PDZD2: variants seen among roughly 807,000 people sequenced by gnomAD.
PDZD2 encodes the protein PDZ domain-containing protein 2.
In PDZD2, 90 loss-of-function variants were observed where a neutral mutation model predicts 220.7. That is an observed-to-expected ratio of 0.41 (90% confidence interval 0.34 to 0.49). The LOEUF is 0.49. Ranked by LOEUF, PDZD2 falls within the 20% of genes least tolerant of loss-of-function variation. The pLI, the probability that PDZD2 is intolerant of heterozygous loss-of-function variation, is 0.28. For missense variants in PDZD2, 3,174 were observed against 3,608.5 expected, an observed-to-expected ratio of 0.88 and a Z score of 3.08; for synonymous variants, 1,375 against 1,450.5, an observed-to-expected ratio of 0.95 and a Z score of 1.18.
intron 2 of PDZD2, among the ~76,000 whole-genome samples, chr5:31,902,181 C>T (rs1257500203): frequency 6.6e-6 from 1 of 152,204 alleles, no homozygotes; most frequent in Non-Finnish European, 1.5e-5. Flanking sequence ...AACGTTACTG[C>T]ACAATTTTAC....
chr5:32,110,606 G>T lies in PDZD2; in HGVS notation c.*2471G>T, dbSNP rs1745298671. 6.6e-6 allele frequency: 1 copy of T among 152,312 alleles called. No individual in the cohort carries two copies. Among genetic ancestry groups the T allele is most frequent in the African/African-American group, 2.4e-5 (1 of 41,348 alleles). 9.4% of individuals were successfully genotyped at this position (152,312 alleles called of 1,614,324 possible). On this transcript the variant is annotated 3_prime_UTR_variant, in exon 25 of 25. Coordinates refer to ENST00000438447, the MANE Select transcript of PDZD2 (RefSeq NM_178140.4). The stretch of plus-strand genomic sequence containing the variant: ...CAGTCATTCACAATAAGCTATGAGG[G>T]TAAATAAATATGTGTTATAACAAGT...
Position 31,665,517 on chromosome 5 carries a change from A to G in PDZD2, c.-361+26080A>G, listed in dbSNP as rs574507135. Among the ~76,000 whole-genome samples the G allele has an allele frequency of 4.6e-5, 7 of 152,012 alleles. 1 individual carries two copies. Among genetic ancestry groups the G allele is most frequent in the East Asian group, 1.9e-4 (1 of 5,170 alleles). On this transcript the variant is annotated intron_variant, in intron 1 of 24. Coordinates refer to ENST00000438447, the MANE Select transcript of PDZD2 (RefSeq NM_178140.4). ...AATCTCATCTCAAATCGTAATCCCT[A>G]TGTGTCCAGGGAGGTACCTGGGGGC...
In PDZD2 at chr5:31,910,761, C is replaced by T. The variant is rs1743127360; in HGVS notation, c.477-72394C>T. ...GCCAGGCTGGTCTCGAACTCCTGAC[C>T]TCAAGCTATCCATCTGCCTCAGGCT... On this transcript the variant is annotated intron_variant, in intron 2 of 24. Transcript: ENST00000438447. 2.0e-5 allele frequency among the ~76,000 whole-genome samples: 3 copies of T among 151,962 alleles called. 1 individual carries two copies. In the South Asian group the frequency reaches 6.3e-4, roughly 32 times the overall value.
intron 6 of PDZD2, among the ~76,000 whole-genome samples, chr5:32,023,254 C>T (rs1581304327): frequency 6.6e-6 from 1 of 152,160 alleles, no homozygotes; most frequent in African/African-American, 2.4e-5. Flanking sequence ...GCTGTCTTTA[C>T]AGGCCCCCGG....
At chr5:31,723,165 C>T (rs887412546) in intron 1 of PDZD2, among the ~76,000 whole-genome samples, 9 of 152,248 alleles carry the variant, frequency 5.9e-5, no homozygotes, top group Non-Finnish European at 8.8e-5. Flanking sequence ...ATCCTTTAAA[C>T]ACATTCCGCA....
At chr5:31,764,938 G>T (rs949177334) in intron 1 of PDZD2, among the ~76,000 whole-genome samples, 8 of 152,298 alleles carry the variant, frequency 5.3e-5, no homozygotes, top group African/African-American at 1.9e-4. Context: ...CTCTCTGGGC[G>T]TGGTGGTACA....
chr5:31,895,361 G>A (rs1292176762), intron 2 of PDZD2, among the ~76,000 whole-genome samples: 1 of 152,124 alleles, frequency 6.6e-6, no homozygotes, highest in Non-Finnish European at 1.5e-5. Flanking sequence ...TATGAATGAG[G>A]CCTGAGAAAG....
intron 6 of PDZD2, among the ~76,000 whole-genome samples, chr5:32,019,997 T>C (rs945421612): frequency 2.0e-5 from 3 of 152,018 alleles, no homozygotes; most frequent in Admixed American, 2.0e-4. Flanking sequence ...AAGGGGTTTA[T>C]GTCTGTGGTC....
intron 23 of PDZD2, chr5:32,100,023 C>A (rs1411038863): frequency 6.6e-6 from 1 of 152,306 alleles, no homozygotes; most frequent in African/African-American, 2.4e-5. Flanking sequence ...CAGGAAATTC[C>A]CAGCTTAATT....
rs558134320 is a variant in PDZD2, at chr5:31,897,214, C to G, written c.477-85941C>G. Among the ~76,000 whole-genome samples, 13 of 152,160 alleles carry G rather than the reference C, an allele frequency of 8.5e-5. 1 individual carries two copies. In the South Asian group the frequency reaches 2.7e-3, roughly 32 times the overall value. The stretch of plus-strand genomic sequence containing the variant: ...TAGCACCTAAATCAGTGAACTAACT[C>G]AAATCTTGAAATTTAGGGCACCAGG... On this transcript the variant is annotated intron_variant, in intron 2 of 24. Coordinates refer to ENST00000438447, the MANE Select transcript of PDZD2 (RefSeq NM_178140.4).
intron 1 of PDZD2, among the ~76,000 whole-genome samples, chr5:31,673,529 G>T (rs963588493): frequency 5.3e-5 from 8 of 152,192 alleles, no homozygotes; most frequent in African/African-American, 1.9e-4. Context: ...ATGGGGATTA[G>T]TTAGTGCTAC....
rs375900483 is a variant in PDZD2, at chr5:31,954,850, C to T, written c.477-28305C>T. ...GCTCGGGAAGCTGGGGCAGGAGAAT[C>T]GCTTGAAACCCGGGAGGCGAAGGTT... is the stretch of plus-strand genomic sequence containing the variant. On this transcript the variant is annotated intron_variant, in intron 2 of 24. Coordinates refer to ENST00000438447, the MANE Select transcript of PDZD2 (RefSeq NM_178140.4). 1.6e-3 allele frequency among the ~76,000 whole-genome samples: 243 copies of T among 152,152 alleles called. 2 individuals are homozygous for T. Among genetic ancestry groups the T allele is most frequent in the African/African-American group, 5.6e-3 (231 of 41,522 alleles).
chr5:31,760,849 G>A (rs1459363246), intron 1 of PDZD2, among the ~76,000 whole-genome samples: 1 of 152,170 alleles, frequency 6.6e-6, no homozygotes, highest in African/African-American at 2.4e-5. Context: ...TTGAGCCCAC[G>A]AGGCAGAGGT....
chr5:31,922,879 C>G (rs570632808), intron 2 of PDZD2, among the ~76,000 whole-genome samples: 1 of 152,060 alleles, frequency 6.6e-6, no homozygotes, highest in Non-Finnish European at 1.5e-5. Context: ...GGGATTTTAC[C>G]ATGTTGGCCA....
intron 18 of PDZD2, among the ~76,000 whole-genome samples, chr5:32,075,131 T>A (rs1211386734): frequency 6.6e-6 from 1 of 151,982 alleles, no homozygotes; most frequent in Non-Finnish European, 1.5e-5. Context: ...TATTAATGTA[T>A]CAGCAGGTTA....
chr5:31,793,723 C>T (rs748563390), intron 1 of PDZD2, among the ~76,000 whole-genome samples: 4 of 152,216 alleles, frequency 2.6e-5, no homozygotes, highest in Non-Finnish European at 5.9e-5. Context: ...CTGAGAATCG[C>T]TTGAAACCGG....
intron 6 of PDZD2, among the ~76,000 whole-genome samples, chr5:32,026,128 G>T (rs1265932143): frequency 1.4e-5 from 2 of 145,048 alleles, no homozygotes; most frequent in Admixed American, 1.5e-4. Flanking sequence ...TAATTGTCCT[G>T]TTGACTACTA....
intron 2 of PDZD2, among the ~76,000 whole-genome samples, chr5:31,952,073 A>G (rs2111619204): frequency 6.6e-6 from 1 of 152,372 alleles, no homozygotes; most frequent in South Asian, 2.1e-4. Flanking sequence ...ATCTCTAAAG[A>G]AAATCTGTCA....
intron 6 of PDZD2, among the ~76,000 whole-genome samples, chr5:32,029,724 C>T (rs983588735): frequency 5.3e-5 from 8 of 152,202 alleles, no homozygotes; most frequent in Non-Finnish European, 1.2e-4. Flanking sequence ...CAAGGCTGTT[C>T]ACTCTACAAA....
Sources: gnomAD v4.1 joint callset for allele counts (sites outside exome capture counted in the v4.1 genomes callset) on GRCh38, gnomAD v4.1.1 for gene constraint, MANE v1.5 for transcripts, NCBI Gene and HGNC (gene_info 2026-07-23, HGNC 2026-07-21) for gene names.